PHF24: variants seen among roughly 807,000 people sequenced by gnomAD.
The protein encoded by PHF24 is PHD finger protein 24.
Under a neutral mutation model 42.6 loss-of-function variants are expected in PHF24, and 25 were observed. The observed-to-expected ratio is 0.59, with a 90% CI of 0.43 to 0.82. The LOEUF (loss-of-function observed/expected upper bound fraction) is 0.82. Among genes scored for constraint, PHF24 ranks in the 40% least tolerant of loss-of-function variants. The probability of loss-of-function intolerance (pLI) is 0.00; values close to 1 mark genes in which losing one functional copy is unlikely to be tolerated. For synonymous variants in PHF24, 185 were observed against 204.8 expected (o/e 0.90, Z 0.83); for missense variants, 470 against 538.1 (o/e 0.87, Z 1.25).
At chr9:34,947,155 C>G in the PHF24 span, among the ~76,000 whole-genome samples, 3 of 152,222 alleles carry the variant, frequency 2.0e-5, no homozygotes, top group Non-Finnish European at 4.4e-5. Flanking sequence ...ATCCTTCTAG[C>G]CACAGTGGTT....
At chr9:34,843,741 A>T in the PHF24 span, among the ~76,000 whole-genome samples, 1 of 151,792 alleles carries the variant, frequency 6.6e-6, no homozygotes, top group African/African-American at 2.4e-5. Flanking sequence ...TAATTTTTTA[A>T]TTTTTATTTT....
At chr9:34,933,649 G>A in the PHF24 span, among the ~76,000 whole-genome samples, 9 of 151,660 alleles carry the variant, frequency 5.9e-5, no homozygotes, top group East Asian at 2.0e-4. Context: ...GGCGTGAACC[G>A]GGGAGGCTGA....
chr9:34,758,101 T>G, the PHF24 span, among the ~76,000 whole-genome samples: 1 of 152,130 alleles, frequency 6.6e-6, no homozygotes, highest in Non-Finnish European at 1.5e-5. The surrounding 1 kb of genome is among the most constrained non-coding windows in gnomAD (Gnocchi z 4.4). Context: ...GGGGATATGT[T>G]TGCTGAGTCT....
the PHF24 span, chr9:34,838,303 T>C: frequency 1.4e-6 from 1 of 722,484 alleles, no homozygotes; most frequent in Non-Finnish European, 2.5e-6. Context: ...TAAAAGCATA[T>C]TATCTGAGGC....
chr9:34,938,818 T>A, the PHF24 span, among the ~76,000 whole-genome samples: 1 of 150,266 alleles, frequency 6.7e-6, no homozygotes, highest in South Asian at 2.1e-4. Flanking sequence ...GCGCCTGTAG[T>A]CCCAGCTACC....
chr9:34,847,433 T>C, the PHF24 span, among the ~76,000 whole-genome samples: 1 of 152,092 alleles, frequency 6.6e-6, no homozygotes, highest in Non-Finnish European at 1.5e-5. Context: ...ATGCTTGTGA[T>C]TTTTGTACAT....
the PHF24 span, among the ~76,000 whole-genome samples, chr9:34,935,741 G>GT: frequency 3.3e-5 from 5 of 151,630 alleles, no homozygotes; most frequent in East Asian, 1.9e-4. Flanking sequence ...TGTGTGGGGG[G>GT]GGGGTGTGTG....
At chr9:34,665,925 T>C in the PHF24 span, 7 of 533,154 alleles carry the variant, frequency 1.3e-5, no homozygotes, top group Non-Finnish European at 2.3e-5. Flanking sequence ...TTGGCGGTCA[T>C]GGGGCTGGGA....
the PHF24 span, among the ~76,000 whole-genome samples, chr9:34,741,129 A>C: frequency 6.6e-6 from 1 of 151,872 alleles, no homozygotes; most frequent in African/African-American, 2.4e-5. Flanking sequence ...CAGGTGATCC[A>C]CCTGCCTTGG....
At chr9:34,864,922 A>C in the PHF24 span, among the ~76,000 whole-genome samples, 1 of 152,158 alleles carries the variant, frequency 6.6e-6, no homozygotes, top group African/African-American at 2.4e-5. Context: ...CATGCCTGTA[A>C]TCCCAGCACT....
chr9:34,950,270 C>A, the PHF24 span, among the ~76,000 whole-genome samples: 2 of 150,852 alleles, frequency 1.3e-5, no homozygotes, highest in Non-Finnish European at 2.9e-5. Flanking sequence ...ATCGCGTAAA[C>A]CCAAGAGGCG....
At chr9:34,942,315 C>T in the PHF24 span, among the ~76,000 whole-genome samples, 2 of 152,202 alleles carry the variant, frequency 1.3e-5, no homozygotes, top group African/African-American at 4.8e-5. Flanking sequence ...TCTGCTGGCA[C>T]TGTACTTCCA....
At chr9:34,970,227 G>A (rs1376383288) in intron 1 of PHF24, among the ~76,000 whole-genome samples, 1 of 152,188 alleles carries the variant, frequency 6.6e-6, no homozygotes, top group Non-Finnish European at 1.5e-5. Context: ...AATGTGCCCT[G>A]TCATGCCCTC....
chr9:34,743,659 G>A, the PHF24 span, among the ~76,000 whole-genome samples: 6 of 152,160 alleles, frequency 3.9e-5, no homozygotes, highest in Non-Finnish European at 5.9e-5. Flanking sequence ...CTCTTCTTGA[G>A]TTTGTGCGAA....
At chr9:34,840,607 G>A in the PHF24 span, among the ~76,000 whole-genome samples, 12 of 151,502 alleles carry the variant, frequency 7.9e-5, no homozygotes, top group African/African-American at 2.9e-4. Context: ...ATAGCTCACT[G>A]CAGCCTCTAA....
chr9:34,697,677 G>A, the PHF24 span, among the ~76,000 whole-genome samples: 1 of 152,192 alleles, frequency 6.6e-6, no homozygotes, highest in South Asian at 2.1e-4. Flanking sequence ...ACTATACCTT[G>A]AATAGTAAAG....
At chr9:34,911,115 T>C in the PHF24 span, among the ~76,000 whole-genome samples, 1 of 151,964 alleles carries the variant, frequency 6.6e-6, no homozygotes, top group Non-Finnish European at 1.5e-5. Context: ...TGAGCCACCA[T>C]GCCCAGCCTA....
the PHF24 span, among the ~76,000 whole-genome samples, chr9:34,907,933 C>T: frequency 1.3e-5 from 2 of 152,080 alleles, no homozygotes. Flanking sequence ...ACCTCCACCT[C>T]CCAGGTTCAA....
the PHF24 span, among the ~76,000 whole-genome samples, chr9:34,722,224 G>A: frequency 1.3e-5 from 2 of 152,218 alleles, no homozygotes. Flanking sequence ...TAGCAGTAGA[G>A]AGGGTGAGAA....
Sources: allele counts gnomAD v4.1 joint callset (sites outside exome capture counted in the v4.1 genomes callset), GRCh38; gene constraint gnomAD v4.1.1; non-coding constraint Gnocchi (gnomAD v3.1); transcripts MANE v1.5; gene names NCBI Gene and HGNC (gene_info 2026-07-23, HGNC 2026-07-21).